The following TNIK variants were observed in gnomAD, a reference collection of about 807,000 sequenced individuals.
TNIK encodes TRAF2 and NCK-interacting protein kinase.
Under a neutral mutation model 191.3 loss-of-function variants are expected in TNIK, and 49 were observed. The ratio of observed to expected loss-of-function variants is 0.26; its 90% CI spans 0.20 to 0.32. TNIK has a LOEUF of 0.32. TNIK is among the 10% of genes least tolerant of loss of function. The pLI is 1.00. For missense variants in TNIK, 1,155 were observed against 1,702.3 expected (o/e 0.68, Z 5.66); for synonymous variants, 594 against 600.9 (o/e 0.99, Z 0.17).
intron 18 of TNIK, 35 bp from the exon 19 acceptor site, chr3:171,110,912 C>A: frequency 1.3e-6 from 2 of 1,523,122 alleles, no homozygotes; most frequent in South Asian, 1.3e-5. Context: ...GTTACACTCT[C>A]CAGACCTTGC....
At chr3:171,276,725 A>G (rs1421446782) in intron 2 of TNIK, among the ~76,000 whole-genome samples, 1 of 152,224 alleles carries the variant, frequency 6.6e-6, no homozygotes, top group East Asian at 1.9e-4. Flanking sequence ...CAAGAGCCTA[A>G]TTTTACAAAG....
At position 171,460,070 on chromosome 3, in the gene TNIK, T is replaced by G. The variant is rs752332193; in HGVS notation, c.-7A>C. ...CCGGGGAGTCGCTCGCCATGTCTACTTCTTCGCTGGAGAAATGGACCAAAA... is the reference window on the plus strand; with the variant it reads ...CCGGGGAGTCGCTCGCCATGTCTACGTCTTCGCTGGAGAAATGGACCAAAA... On this transcript the variant is annotated 5_prime_UTR_variant, in exon 1 of 33. Transcript: ENST00000436636. The surrounding 1 kb of genome is among the most constrained non-coding windows in gnomAD (Gnocchi z 6.8). The G allele has an allele frequency of 8.1e-6, 13 of 1,603,998 alleles. No homozygotes were observed. Among genetic ancestry groups the G allele is most frequent in the South Asian group, 7.9e-5 (7 of 88,706 alleles).
chr3:171,408,268 C>A (rs1040941861), intron 1 of TNIK, among the ~76,000 whole-genome samples: 23 of 151,778 alleles, frequency 1.5e-4, no homozygotes, highest in African/African-American at 5.3e-4. Context: ...TTTTTTTCCC[C>A]CGCTCAATCT....
chr3:171,395,902 G>A (rs768557834), intron 1 of TNIK, among the ~76,000 whole-genome samples: 1 of 151,944 alleles, frequency 6.6e-6, no homozygotes, highest in Non-Finnish European at 1.5e-5. Context: ...TATGTTTCTC[G>A]TGTTTTTCAC....
intron 2 of TNIK, among the ~76,000 whole-genome samples, chr3:171,268,399 AT>A: frequency 6.6e-6 from 1 of 152,108 alleles, no homozygotes; most frequent in East Asian, 1.9e-4. Flanking sequence ...GTAAACAAGA[AT>A]TATCCCTACT....
intron 16 of TNIK, among the ~76,000 whole-genome samples, chr3:171,126,872 G>A (rs187361571): frequency 6.2e-4 from 94 of 152,336 alleles, no homozygotes; most frequent in Non-Finnish European, 1.2e-3. Flanking sequence ...TACTGTTCAC[G>A]CAGGGAAGAC....
intron 1 of TNIK, among the ~76,000 whole-genome samples, chr3:171,411,780 C>T (rs1359033142): frequency 6.6e-6 from 1 of 152,220 alleles, no homozygotes; most frequent in Non-Finnish European, 1.5e-5. Flanking sequence ...GCAAGGAAGA[C>T]ATAGCTCCCG....
At position 171,366,603 on chromosome 3, in the gene TNIK, T is replaced by C. The variant is rs1000311806; in HGVS notation, c.123+3017A>G. Among the ~76,000 whole-genome samples the C allele has an allele frequency of 6.6e-6, 1 of 152,142 alleles. No individual in the cohort carries two copies. The highest frequency in any genetic ancestry group is 6.5e-5 in the Admixed American group (1 of 15,284). ...CAGCTTATAAAAAAGAAACTTATAATAAATTTTTCCATAAAATAAGGGCTA... is the reference window on the plus strand; with the variant it reads ...CAGCTTATAAAAAAGAAACTTATAACAAATTTTTCCATAAAATAAGGGCTA... On this transcript the variant is annotated intron_variant, in intron 2 of 32. Transcript: ENST00000436636. This position sits in a 1 kb window ranked among gnomAD's most constrained non-coding sequence, Gnocchi z 4.1.
intron 1 of TNIK, among the ~76,000 whole-genome samples, chr3:171,439,233 A>G (rs1485814627): frequency 1.3e-5 from 2 of 151,886 alleles, no homozygotes; most frequent in Non-Finnish European, 2.9e-5. Flanking sequence ...AGTCCCAGCT[A>G]CTTGGGAGGC....
intron 2 of TNIK, among the ~76,000 whole-genome samples, chr3:171,229,966 G>A (rs1258206329): frequency 2.0e-5 from 3 of 152,080 alleles, no homozygotes; most frequent in Non-Finnish European, 2.9e-5. Flanking sequence ...CATGACCACC[G>A]GCTGTGTCTG....
chr3:171,101,856 AGACT>A (rs1723623209), intron 21 of TNIK: 15 of 516,680 alleles, frequency 2.9e-5, no homozygotes. Context: ...ACCAATAGCT[AGACT>A]GAGACTGTTC....
At chr3:171,181,279 A>G (rs1340413872) in intron 7 of TNIK, among the ~76,000 whole-genome samples, 2 of 152,250 alleles carry the variant, frequency 1.3e-5, no homozygotes, top group Non-Finnish European at 2.9e-5. Flanking sequence ...TTGATCAGGT[A>G]TGCTGCTAGC....
chr3:171,167,197 A>G lies in TNIK; in HGVS notation c.847T>C (p.Leu283=), dbSNP rs541714962. The change falls in exon 10 of 33, where the codon TTG becomes CTG. Residue 283 remains leucine (L), a synonymous_variant. Transcript: ENST00000436636. The stretch of plus-strand genomic sequence containing the variant: ...TCTCGTATAAATGGATGCTTCATCA[A>G]TTGTTCTGTTGCTGGTCGCTGGCTG... The part of the protein sequence containing the change: ...NHSQRPATEQ[L]MKHPFIRDQP... 32 of 1,613,862 alleles carry G rather than the reference A, an allele frequency of 2.0e-5. No individual in the cohort carries two copies. Among genetic ancestry groups the G allele is most frequent in the African/African-American group, 1.6e-4 (12 of 74,934 alleles).
intron 1 of TNIK, among the ~76,000 whole-genome samples, chr3:171,389,098 G>C (rs181799274): frequency 6.6e-6 from 1 of 152,202 alleles, no homozygotes; most frequent in Admixed American, 6.5e-5. Context: ...AGAGAAACCT[G>C]AGGCCCCAAA....
chr3:171,130,498 C>T lies in TNIK; in HGVS notation c.1609-1620G>A, dbSNP rs144008163. On this transcript the variant is annotated intron_variant, in intron 15 of 32. Transcript: ENST00000436636. Reference sequence around the variant, plus strand: ...TGTGTACTTTGTGTGTGCATGTGTGCGAAGTATTACATCAGCAATAATTAT... The same window carrying T: ...TGTGTACTTTGTGTGTGCATGTGTGTGAAGTATTACATCAGCAATAATTAT... 1.6e-3 allele frequency among the ~76,000 whole-genome samples: 242 copies of T among 152,182 alleles called. 2 individuals carry two copies. Among genetic ancestry groups the T allele is most frequent in the African/African-American group, 5.5e-3 (230 of 41,540 alleles).
chr3:171,395,571 C>A (rs930847534), intron 1 of TNIK, among the ~76,000 whole-genome samples: 4 of 152,040 alleles, frequency 2.6e-5, no homozygotes, highest in African/African-American at 9.7e-5. Flanking sequence ...ATGGTGATGA[C>A]AAATGACAAT....
chr3:171,170,017 CTTAT>C (rs912707027), intron 9 of TNIK, among the ~76,000 whole-genome samples: 5 of 152,214 alleles, frequency 3.3e-5, no homozygotes, highest in Non-Finnish European at 5.9e-5. Flanking sequence ...TAATTACACA[CTTAT>C]TTAAGAGTGA....
intron 12 of TNIK, among the ~76,000 whole-genome samples, chr3:171,157,075 G>A (rs1192954994): frequency 6.6e-6 from 1 of 152,188 alleles, no homozygotes; most frequent in Non-Finnish European, 1.5e-5. Context: ...GGGACATTCA[G>A]GCATGTAAAA....
At chr3:171,134,575 G>A (rs180995751) in intron 15 of TNIK, among the ~76,000 whole-genome samples, 10 of 152,292 alleles carry the variant, frequency 6.6e-5, no homozygotes, top group Non-Finnish European at 1.2e-4. Flanking sequence ...GTGAGCCACC[G>A]TGCCTGGCTC....
Sources: gnomAD v4.1 joint callset for allele counts (sites outside exome capture counted in the v4.1 genomes callset) on GRCh38, gnomAD v4.1.1 for gene constraint, Gnocchi (gnomAD v3.1) non-coding constraint, MANE v1.5 for transcripts, NCBI Gene and HGNC (gene_info 2026-07-23, HGNC 2026-07-21) for gene names.